Variants in MN1 observed in about 807,000 individuals in gnomAD.
MN1 encodes the protein MN1 proto-oncogene, transcriptional regulator.
In MN1, 19 loss-of-function variants were observed where a neutral mutation model predicts 86.9. That is an observed-to-expected ratio of 0.22 (90% CI 0.15 to 0.32). MN1 has a LOEUF of 0.32. MN1 is among the 10% of genes least tolerant of loss of function. The pLI, the probability that MN1 is intolerant of heterozygous loss-of-function variation, is 1.00. For missense variants in MN1, 1,841 were observed against 1,862.0 expected, an observed-to-expected ratio of 0.99 and a Z score of 0.21; for synonymous variants, 928 against 849.6, an observed-to-expected ratio of 1.09 and a Z score of -1.60.
intron 1 of MN1, among the ~76,000 whole-genome samples, chr22:27,788,096 T>C (rs1933160497): frequency 6.6e-6 from 1 of 152,186 alleles, no homozygotes; most frequent in South Asian, 2.1e-4. Flanking sequence ...TATAAATGAA[T>C]TCCACATTTA....
intron 1 of MN1, among the ~76,000 whole-genome samples, chr22:27,776,251 G>C (rs45555434): frequency 6.6e-6 from 1 of 152,116 alleles, no homozygotes. Context: ...GGCTCTCTTG[G>C]GGGATTCACT....
chr22:27,748,937 G>T lies in MN1; in HGVS notation c.*1978C>A, dbSNP rs963140639. The T allele has an allele frequency of 2.6e-5, 6 of 230,790 alleles. No individual in the cohort carries two copies. The highest frequency in any genetic ancestry group is 4.3e-5 in the Non-Finnish European group (5 of 116,610). The allele number at this position is 230,790 out of a possible 1,614,324, so 14.3% of individuals were successfully genotyped here. On this transcript the variant is annotated 3_prime_UTR_variant, in exon 2 of 2. Coordinates refer to ENST00000302326, the MANE Select transcript of MN1 (RefSeq NM_002430.3). ...ACTGCAGAATCAGAGGGGTCATGGAGTCTTGCCCAGAATACGGTCAACTCT... is the reference window on the plus strand; with the variant it reads ...ACTGCAGAATCAGAGGGGTCATGGATTCTTGCCCAGAATACGGTCAACTCT...
intron 1 of MN1, among the ~76,000 whole-genome samples, chr22:27,767,357 C>T (rs1206470755): frequency 2.6e-5 from 4 of 152,258 alleles, no homozygotes; most frequent in East Asian, 3.9e-4. Flanking sequence ...AGAGGGGCGA[C>T]GCCCTCTCAC....
intron 1 of MN1, among the ~76,000 whole-genome samples, chr22:27,794,897 A>G (rs1933267126): frequency 6.9e-6 from 1 of 145,838 alleles, no homozygotes; most frequent in Non-Finnish European, 1.5e-5. Context: ...GAGGATGAGA[A>G]GGGGAAGGGG....
chr22:27,785,421 G>A (rs1933116182), intron 1 of MN1, among the ~76,000 whole-genome samples: 1 of 152,132 alleles, frequency 6.6e-6, no homozygotes, highest in Non-Finnish European at 1.5e-5. Flanking sequence ...CACATCTTAC[G>A]CCTGGACGCC....
chr22:27,799,858 T>G lies in MN1; in HGVS notation c.686A>C (p.Asp229Ala). Residue 229 changes from aspartate (D) to alanine (A), a missense_variant, in exon 1 of 2, where the codon GAC (aspartate) becomes GCC (alanine). Coordinates refer to ENST00000302326, the MANE Select transcript of MN1 (RefSeq NM_002430.3). ...PRRVTNQGAV[D>A]SLEYNYPGEA... ...GCCCGGGTAATTGTATTCCAGCGAG[T>G]CGACGGCTCCTTGGTTCGTCACCCT... The G allele has an allele frequency of 6.2e-7, 1 of 1,602,202 alleles. No individual in the cohort carries two copies. Among genetic ancestry groups the G allele is most frequent in the Middle Eastern group, 1.7e-4 (1 of 6,048 alleles).
intron 1 of MN1, among the ~76,000 whole-genome samples, chr22:27,757,573 A>T (rs1278686252): frequency 6.6e-6 from 1 of 151,982 alleles, no homozygotes; most frequent in South Asian, 2.1e-4. Flanking sequence ...CGCCCAACTC[A>T]CCCTCGCTGG....
At position 27,750,561 on chromosome 22, in the gene MN1, C is replaced by G; in HGVS notation, c.*354G>C. On this transcript the variant is annotated 3_prime_UTR_variant, in exon 2 of 2. Coordinates refer to ENST00000302326, the MANE Select transcript of MN1 (RefSeq NM_002430.3). Reference sequence around the variant, plus strand: ...GACATACAGCAGCATGAAAACAAAACAAGGAAAGAGGTCATCTAAAAAATG... The same window carrying G: ...GACATACAGCAGCATGAAAACAAAAGAAGGAAAGAGGTCATCTAAAAAATG... 1 of 245,520 alleles carries G rather than the reference C, an allele frequency of 4.1e-6. No individual in the cohort carries two copies. The highest frequency in any genetic ancestry group is 7.9e-6 in the Non-Finnish European group (1 of 126,966). 15.2% of individuals were successfully genotyped at this position (245,520 alleles called of 1,614,324 possible).
intron 1 of MN1, among the ~76,000 whole-genome samples, chr22:27,771,213 C>T (rs1409156379): frequency 7.1e-6 from 1 of 141,392 alleles, no homozygotes; most frequent in Non-Finnish European, 1.5e-5. Context: ...GGGGTTTTTT[C>T]CCTAACTTTT....
chr22:27,765,909 C>T lies in MN1; in HGVS notation c.3782-14813G>A, dbSNP rs142738222. On this transcript the variant is annotated intron_variant, in intron 1 of 1. Coordinates refer to ENST00000302326, the MANE Select transcript of MN1 (RefSeq NM_002430.3). ...AGCTGGTTAATTATTTCCATTAAAACGACAGGGAACTAAGCCCCCGGGGTG... is the reference window on the plus strand; with the variant it reads ...AGCTGGTTAATTATTTCCATTAAAATGACAGGGAACTAAGCCCCCGGGGTG... Among the ~76,000 whole-genome samples the T allele has an allele frequency of 1.6e-4, 25 of 152,230 alleles. No homozygotes were observed. In the East Asian group the frequency reaches 2.3e-3, roughly 14 times the overall value.
intron 1 of MN1, among the ~76,000 whole-genome samples, chr22:27,792,783 G>A (rs565098626): frequency 1.3e-5 from 2 of 152,208 alleles, no homozygotes; most frequent in African/African-American, 4.8e-5. Context: ...TAATTTCACA[G>A]GGAAACAGGA....
intron 1 of MN1, among the ~76,000 whole-genome samples, chr22:27,790,486 G>A (rs756765042): frequency 4.6e-5 from 7 of 152,192 alleles, no homozygotes; most frequent in Non-Finnish European, 8.8e-5. Flanking sequence ...GTTTCTCGGG[G>A]CCCTGGGTGG....
chr22:27,750,873 G>A lies in MN1; in HGVS notation c.*42C>T. The A allele has an allele frequency of 1.3e-6, 2 of 1,507,852 alleles. No individual in the cohort carries two copies. The highest frequency in any genetic ancestry group is 1.8e-6 in the Non-Finnish European group (2 of 1,111,108). 93.4% of individuals were successfully genotyped at this position (1,507,852 alleles called of 1,614,324 possible). A position where few individuals can be genotyped will look rare whatever the true frequency, so the allele number is the denominator to read the frequency against. ...TTGAGGGGGAAGGAAACAGACAGGGGGAGAGGAAGGGCCTGGTAGAGGAGG... is the reference window on the plus strand; with the variant it reads ...TTGAGGGGGAAGGAAACAGACAGGGAGAGAGGAAGGGCCTGGTAGAGGAGG... On this transcript the variant is annotated 3_prime_UTR_variant, in exon 2 of 2. Transcript: ENST00000302326.
rs1327643427 is a variant in MN1 at position 27,786,232 on chromosome 22, G to A, written c.3781+10531C>T. On this transcript the variant is annotated intron_variant, in intron 1 of 1. Transcript: ENST00000302326. ...AGGCTGTGGGGAGCCCAGAGAGGAA[G>A]AGGGGGGCCCCCCAAAGAAGCCAGG... is the stretch of plus-strand genomic sequence containing the variant. Among the ~76,000 whole-genome samples, 8 of 152,330 alleles carry A rather than the reference G, an allele frequency of 5.3e-5. No homozygotes were observed. The East Asian group carries it at 1.5e-3, about 29-fold the overall frequency.
rs375740551 is a variant in MN1 at position 27,799,204 on chromosome 22, G to T, written c.1340C>A (p.Ala447Glu). Residue 447 changes from alanine (A) to glutamate (E), a missense_variant, in exon 1 of 2, where the codon GCG becomes GAG. By Grantham distance (107) the Ala-to-Glu change is moderately radical. Transcript: ENST00000302326. ...APNQRLQHFD[A>E]PPYMNVAKRP... ...CTTGGCCACGTTCATGTAGGGGGGC[G>T]CGTCGAAATGCTGCAGCCGCTGGTT... 3.7e-6 allele frequency: 6 copies of T among 1,602,638 alleles called. No individual in the cohort carries two copies. The African/African-American group carries it at 6.7e-5, about 18-fold the overall frequency.
At chr22:27,793,026 A>T (rs1438510337) in intron 1 of MN1, among the ~76,000 whole-genome samples, 1 of 152,182 alleles carries the variant, frequency 6.6e-6, no homozygotes, top group Non-Finnish European at 1.5e-5. Flanking sequence ...TTTCTCTGGC[A>T]TCACTGTAAA....
chr22:27,780,745 T>A (rs998651521), intron 1 of MN1, among the ~76,000 whole-genome samples: 4 of 152,144 alleles, frequency 2.6e-5, no homozygotes, highest in Non-Finnish European at 5.9e-5. Context: ...TTCTTCTTTG[T>A]TGTCTGTCAT....
chr22:27,788,751 T>A (rs1933173327), intron 1 of MN1, among the ~76,000 whole-genome samples: 1 of 152,054 alleles, frequency 6.6e-6, no homozygotes, highest in South Asian at 2.1e-4. Context: ...AGGGGTTCAC[T>A]TATTAACTGT....
intron 1 of MN1, among the ~76,000 whole-genome samples, chr22:27,787,260 A>G (rs552492504): frequency 6.6e-6 from 1 of 152,360 alleles, no homozygotes; most frequent in African/African-American, 2.4e-5. Context: ...CTGTTCTAAA[A>G]AGCCAAATTT....
Sources: gnomAD v4.1 joint callset for allele counts (sites outside exome capture counted in the v4.1 genomes callset) on GRCh38, gnomAD v4.1.1 for gene constraint, MANE v1.5 for transcripts, NCBI Gene and HGNC (gene_info 2026-07-23, HGNC 2026-07-21) for gene names.